Variants in CELF2 observed in about 807,000 individuals in gnomAD.
CELF2 encodes the protein CUGBP Elav-like family member 2, also known as CUG triplet repeat RNA-binding protein 2.
Under a neutral mutation model 62.6 loss-of-function variants are expected in CELF2, and 8 were observed. The observed-to-expected ratio is 0.13, with a 90% CI of 0.07 to 0.23. The LOEUF (loss-of-function observed/expected upper bound fraction) is 0.23, where lower values mean the gene tolerates loss of function less well. CELF2 is among the 10% of genes least tolerant of loss of function. The probability of loss-of-function intolerance (pLI) is 1.00; values close to 1 mark genes in which losing one functional copy is unlikely to be tolerated. For synonymous variants in CELF2, 258 were observed against 250.0 expected, an observed-to-expected ratio of 1.03 and a Z score of -0.30; for missense variants, 333 against 671.0, an observed-to-expected ratio of 0.50 and a Z score of 5.56.
chr10:11,146,026 G>A lies in CELF2; in HGVS notation c.75-19460G>A, dbSNP rs1406649110. Among the ~76,000 whole-genome samples, 3 of 152,166 alleles carry A rather than the reference G, an allele frequency of 2.0e-5. No homozygotes were observed. In the East Asian group the frequency reaches 5.8e-4, roughly 29 times the overall value. On this transcript the variant is annotated intron_variant, in intron 1 of 12. Transcript: ENST00000633077. ...AACATTTCACTAAATCCTTACAACA[G>A]CATGGAGAGGTGGGCCTCTTTGTGC...
the CELF2 span, among the ~76,000 whole-genome samples, chr10:10,684,987 C>G: frequency 6.6e-6 from 1 of 151,946 alleles, no homozygotes; most frequent in Non-Finnish European, 1.5e-5. Context: ...AGAGCAAAAC[C>G]AACAAAGACA....
Position 11,244,565 on chromosome 10 carries a change from G to C in CELF2, c.355-4588G>C, listed in dbSNP as rs969185999. On this transcript the variant is annotated intron_variant, in intron 3 of 12. Transcript: ENST00000633077. This position sits in a 1 kb window ranked among gnomAD's most constrained non-coding sequence, Gnocchi z 4.2. ...AGCTACTCAGGAGGCTGAGGCAGGAGAATGGCATGAACCCGGGAGGCAGAG... is the reference window on the plus strand; with the variant it reads ...AGCTACTCAGGAGGCTGAGGCAGGACAATGGCATGAACCCGGGAGGCAGAG... 1.4e-4 allele frequency among the ~76,000 whole-genome samples: 21 copies of C among 151,512 alleles called. No homozygotes were observed. Among genetic ancestry groups the C allele is most frequent in the Non-Finnish European group, 2.9e-4 (20 of 67,930 alleles).
At chr10:10,965,875 C>G (rs1028920674) in intron 2 of CELF2, among the ~76,000 whole-genome samples, 1 of 152,226 alleles carries the variant, frequency 6.6e-6, no homozygotes, top group Non-Finnish European at 1.5e-5. Context: ...TATTACCCAA[C>G]TTATGAATGG....
chr10:10,577,945 G>T, the CELF2 span, among the ~76,000 whole-genome samples: 2 of 152,082 alleles, frequency 1.3e-5, no homozygotes, highest in African/African-American at 4.8e-5. Context: ...ACCGACTTCC[G>T]CAATGGTTGA....
chr10:11,083,479 A>G (rs1308544919), intron 1 of CELF2, among the ~76,000 whole-genome samples: 1 of 152,196 alleles, frequency 6.6e-6, no homozygotes, highest in African/African-American at 2.4e-5. Flanking sequence ...GAGGGGTGCC[A>G]AGACCCCAAA....
At chr10:11,202,947 CTCTCTG>C (rs761423252) in intron 2 of CELF2, among the ~76,000 whole-genome samples, 1,202 of 52,008 alleles carry the variant, frequency 0.023, 7 homozygotes, top group Middle Eastern at 0.036. Context: ...CTCTCTCTCT[CTCTCTG>C]TGTGTGTGTG....
chr10:10,758,994 C>G, the CELF2 span, among the ~76,000 whole-genome samples: 2 of 152,166 alleles, frequency 1.3e-5, no homozygotes, highest in South Asian at 2.1e-4. Flanking sequence ...AGAGAGTCCT[C>G]TCAATTTTTT....
chr10:10,906,349 G>A (rs1458892403), intron 1 of CELF2, among the ~76,000 whole-genome samples: 1 of 152,186 alleles, frequency 6.6e-6, no homozygotes, highest in Non-Finnish European at 1.5e-5. Context: ...GATGCGGTGT[G>A]TTCATTTTAC....
chr10:11,323,309 A>T (rs145117742), intron 11 of CELF2, among the ~76,000 whole-genome samples: 27 of 151,710 alleles, frequency 1.8e-4, no homozygotes, highest in African/African-American at 6.3e-4. Flanking sequence ...CCTTGTCATA[A>T]CTCTCTTCTG....
At chr10:10,608,564 G>A in the CELF2 span, among the ~76,000 whole-genome samples, 1 of 152,130 alleles carries the variant, frequency 6.6e-6, no homozygotes, top group African/African-American at 2.4e-5. Flanking sequence ...GTTCTTTAAG[G>A]AAAGATTTAA....
rs909243520 is a variant in CELF2 at position 11,220,669 on chromosome 10, A to G, written c.354+3162A>G. On this transcript the variant is annotated intron_variant, in intron 3 of 12. Coordinates refer to ENST00000633077, the MANE Select transcript of CELF2 (RefSeq NM_001326342.2). This position sits in a 1 kb window ranked among gnomAD's most constrained non-coding sequence, Gnocchi z 4.4. ...AATTCTCAACATAAACCCTAGAAAT[A>G]CAATGGCAGTCATAAAGGAAGCAAA... 6.6e-6 allele frequency among the ~76,000 whole-genome samples: 1 copy of G among 152,238 alleles called. No homozygotes were observed. The highest frequency in any genetic ancestry group is 2.4e-5 in the African/African-American group (1 of 41,464).
chr10:10,812,232 C>T (rs1010934581), intron 1 of CELF2, among the ~76,000 whole-genome samples: 10 of 152,082 alleles, frequency 6.6e-5, no homozygotes, highest in Non-Finnish European at 1.5e-4. Context: ...TGGTGGCAAA[C>T]GAGAGAATAA....
rs1565943866 is a variant in CELF2 at position 11,315,531 on chromosome 10, C to A, written c.1096+1273C>A. 2.0e-5 allele frequency among the ~76,000 whole-genome samples: 3 copies of A among 152,132 alleles called. No homozygotes were observed. Among genetic ancestry groups the A allele is most frequent in the Admixed American group, 6.5e-5 (1 of 15,278 alleles). On this transcript the variant is annotated intron_variant, in intron 10 of 12. Transcript: ENST00000633077. The surrounding 1 kb of genome is among the most constrained non-coding windows in gnomAD (Gnocchi z 5.8). ...CCAAATAAAAATTAACTTGTATAATCCTGATAAATCATTTTCAGAATTAGG... is the reference window on the plus strand; with the variant it reads ...CCAAATAAAAATTAACTTGTATAATACTGATAAATCATTTTCAGAATTAGG...
At chr10:11,066,774 C>T (rs1308516852) in intron 1 of CELF2, among the ~76,000 whole-genome samples, 1 of 152,110 alleles carries the variant, frequency 6.6e-6, no homozygotes, top group African/African-American at 2.4e-5. Context: ...TTACCAATTA[C>T]CATTTCCCAA....
chr10:11,060,766 T>C (rs541737473), intron 1 of CELF2, among the ~76,000 whole-genome samples: 1 of 152,366 alleles, frequency 6.6e-6, no homozygotes, highest in African/African-American at 2.4e-5. Flanking sequence ...ACTTTGGTAA[T>C]TTTCACAATG....
At chr10:10,916,934 C>CTTTT (rs572542157) in intron 1 of CELF2, among the ~76,000 whole-genome samples, 7 of 141,150 alleles carry the variant, frequency 5.0e-5, no homozygotes, top group African/African-American at 1.6e-4. Flanking sequence ...TCTTCTTCTT[C>CTTTT]TTTTTTTTTT....
At chr10:10,700,164 T>C in the CELF2 span, among the ~76,000 whole-genome samples, 1 of 152,156 alleles carries the variant, frequency 6.6e-6, no homozygotes, top group Non-Finnish European at 1.5e-5. Context: ...TCGATATGGA[T>C]AAATCATTGA....
At position 11,197,027 on chromosome 10, in the gene CELF2, A is replaced by AGAGAGAG. The variant is rs1406923666; in HGVS notation, c.272-20398_272-20397insGAGAGAG. Reference sequence around the variant, plus strand: ...GAGAAAGAAAGAAAGAAAGAAAGAAAAGAAAGAAAGAAAGAAAGAAAGAAA... The same window carrying AGAGAGAG: ...GAGAAAGAAAGAAAGAAAGAAAGAAAGAGAGAGAGAAAGAAAGAAAGAAAGAAAGAAA... On this transcript the variant is annotated intron_variant, in intron 2 of 12. Transcript: ENST00000633077. 5.9e-3 allele frequency among the ~76,000 whole-genome samples: 219 copies of AGAGAGAG among 37,048 alleles called. 53 individuals carry two copies. The highest frequency in any genetic ancestry group is 0.037 in the African/African-American group (201 of 5,472). The allele number at this position is 37,048 out of a possible 152,430, so 24.3% of individuals were successfully genotyped here.
the CELF2 span, among the ~76,000 whole-genome samples, chr10:10,772,885 A>G: frequency 2.1e-3 from 319 of 152,364 alleles, 1 homozygote; most frequent in Admixed American, 3.1e-3. Context: ...AAGAAAGAGA[A>G]TACCATGGGA....
Sources: allele counts gnomAD v4.1 joint callset (sites outside exome capture counted in the v4.1 genomes callset), GRCh38; gene constraint gnomAD v4.1.1; non-coding constraint Gnocchi (gnomAD v3.1); transcripts MANE v1.5; gene names NCBI Gene and HGNC (gene_info 2026-07-23, HGNC 2026-07-21).